CNTNAP2: variants seen among roughly 807,000 people sequenced by gnomAD.
The protein encoded by CNTNAP2 is contactin associated protein 2, also known as contactin-associated protein-like 2.
In CNTNAP2, 98 loss-of-function variants were observed where a neutral mutation model predicts 155.2. That is an observed-to-expected ratio of 0.63 (90% CI 0.54 to 0.75). CNTNAP2 has a LOEUF of 0.75. Among genes scored for constraint, CNTNAP2 ranks in the 30% least tolerant of loss-of-function variants. The pLI is 0.00. For synonymous variants in CNTNAP2, 651 were observed against 631.2 expected (o/e 1.03, Z -0.47); for missense variants, 1,727 against 1,688.1 (o/e 1.02, Z -0.40).
At chr7:148,122,770 GTAGA>G (rs1212791274) in intron 16 of CNTNAP2, among the ~76,000 whole-genome samples, 1 of 151,774 alleles carries the variant, frequency 6.6e-6, no homozygotes, top group Non-Finnish European at 1.5e-5. Flanking sequence ...ATGAAGCATT[GTAGA>G]TATGAAAGAT....
intron 3 of CNTNAP2, among the ~76,000 whole-genome samples, chr7:146,911,473 G>T (rs1796275388): frequency 6.6e-6 from 1 of 151,980 alleles, no homozygotes; most frequent in Non-Finnish European, 1.5e-5. Context: ...ATACTATGCA[G>T]CCATAAAAGT....
chr7:146,981,391 A>G (rs538647948), intron 3 of CNTNAP2, among the ~76,000 whole-genome samples: 5 of 152,230 alleles, frequency 3.3e-5, no homozygotes, highest in African/African-American at 1.2e-4. Flanking sequence ...AAAAATATAA[A>G]CCCTTTTTAC....
intron 1 of CNTNAP2, among the ~76,000 whole-genome samples, chr7:146,260,867 G>C (rs996166297): frequency 1.3e-5 from 2 of 152,182 alleles, no homozygotes; most frequent in African/African-American, 2.4e-5. Flanking sequence ...GTGTGAAAAG[G>C]ACATGACATT....
intron 22 of CNTNAP2, among the ~76,000 whole-genome samples, chr7:148,393,612 A>C (rs1799402566): frequency 6.6e-6 from 1 of 152,140 alleles, no homozygotes; most frequent in South Asian, 2.1e-4. Flanking sequence ...GATTTTGTTG[A>C]GTCAAAGGAT....
chr7:147,383,939 A>G (rs1355707047), intron 9 of CNTNAP2, among the ~76,000 whole-genome samples: 2 of 152,182 alleles, frequency 1.3e-5, no homozygotes, highest in African/African-American at 4.8e-5. Flanking sequence ...AATTGTGACA[A>G]ATTCTGTAAG....
chr7:148,385,011 C>T (rs1360115228), intron 22 of CNTNAP2, among the ~76,000 whole-genome samples: 5 of 152,160 alleles, frequency 3.3e-5, no homozygotes. Context: ...AATCCTCTCC[C>T]CCTGCAAACT....
chr7:147,508,718 A>C (rs886113009), intron 11 of CNTNAP2, among the ~76,000 whole-genome samples: 1 of 152,164 alleles, frequency 6.6e-6, no homozygotes, highest in African/African-American at 2.4e-5. Flanking sequence ...TGTTCTCAGC[A>C]TAGGGAATAC....
chr7:148,325,924 G>T (rs1797877202), intron 21 of CNTNAP2, among the ~76,000 whole-genome samples: 2 of 152,170 alleles, frequency 1.3e-5, no homozygotes, highest in African/African-American at 4.8e-5. Context: ...GATGCCATGT[G>T]TCTGCTAGTA....
chr7:146,624,793 A>G (rs1473086432), intron 1 of CNTNAP2, among the ~76,000 whole-genome samples: 5 of 151,984 alleles, frequency 3.3e-5, no homozygotes, highest in African/African-American at 1.2e-4. Flanking sequence ...GATTGTGTTG[A>G]ATCTATAGGT....
At chr7:146,429,991 T>C (rs1245349313) in intron 1 of CNTNAP2, among the ~76,000 whole-genome samples, 1 of 152,162 alleles carries the variant, frequency 6.6e-6, no homozygotes, top group East Asian at 1.9e-4. Context: ...ACATAGTTTT[T>C]ATATTTAGTT....
At chr7:147,546,224 T>G (rs921943877) in intron 11 of CNTNAP2, among the ~76,000 whole-genome samples, 2 of 152,134 alleles carry the variant, frequency 1.3e-5, no homozygotes, top group African/African-American at 4.8e-5. Flanking sequence ...AGAGGAGGTA[T>G]GATTCATTAA....
chr7:146,127,092 G>A (rs1797648504), intron 1 of CNTNAP2, among the ~76,000 whole-genome samples: 1 of 152,036 alleles, frequency 6.6e-6, no homozygotes, highest in African/African-American at 2.4e-5. Context: ...CCCAACATTT[G>A]CACCCTATAA....
intron 1 of CNTNAP2, among the ~76,000 whole-genome samples, chr7:146,663,133 C>T (rs901470376): frequency 1.3e-5 from 2 of 151,846 alleles, no homozygotes; most frequent in African/African-American, 4.8e-5. Context: ...CAAATAATAG[C>T]CGGCTGTGGT....
chr7:147,659,334 G>C (rs1048590065), intron 13 of CNTNAP2, among the ~76,000 whole-genome samples: 4 of 152,166 alleles, frequency 2.6e-5, no homozygotes, highest in African/African-American at 9.7e-5. Flanking sequence ...AGCTTTTATA[G>C]ATATTTTGAT....
intron 11 of CNTNAP2, among the ~76,000 whole-genome samples, chr7:147,491,543 C>T (rs1798609509): frequency 6.6e-6 from 1 of 152,172 alleles, no homozygotes; most frequent in African/African-American, 2.4e-5. Context: ...CTTTCTCCTC[C>T]ACTGGTCTCT....
At chr7:147,215,368 C>T (rs965346756) in intron 8 of CNTNAP2, among the ~76,000 whole-genome samples, 1 of 152,184 alleles carries the variant, frequency 6.6e-6, no homozygotes, top group African/African-American at 2.4e-5. Flanking sequence ...CCTCACTCCC[C>T]ACAACCTCTG....
chr7:148,299,450 G>A (rs995098542), intron 21 of CNTNAP2, among the ~76,000 whole-genome samples: 1 of 152,244 alleles, frequency 6.6e-6, no homozygotes, highest in Admixed American at 6.5e-5. Context: ...GCTGGGCAGA[G>A]CCAGCTCAGG....
rs75584249 is a variant in CNTNAP2 at position 148,277,682 on chromosome 7, C to A, written c.3475+10556C>A. ...AGAGCCCTAAACCCTTGGTCCCATC[C>A]GTCATCCTTTAGAAACCCACTTCTG... On this transcript the variant is annotated intron_variant, in intron 21 of 23. Coordinates refer to ENST00000361727, the MANE Select transcript of CNTNAP2 (RefSeq NM_014141.6). Among the ~76,000 whole-genome samples, 1,333 of 151,956 alleles carry A rather than the reference C, an allele frequency of 8.8e-3. 25 individuals are homozygous for A. Among genetic ancestry groups the A allele is most frequent in the African/African-American group, 0.03 (1,252 of 41,400 alleles).
intron 8 of CNTNAP2, among the ~76,000 whole-genome samples, chr7:147,265,645 C>T (rs779605659): frequency 3.3e-5 from 5 of 152,206 alleles, no homozygotes; most frequent in Admixed American, 6.5e-5. Context: ...ACACTCCCTC[C>T]ACCAAAGGAC....
Sources: allele counts gnomAD v4.1 joint callset (sites outside exome capture counted in the v4.1 genomes callset), GRCh38; gene constraint gnomAD v4.1.1; transcripts MANE v1.5; gene names NCBI Gene and HGNC (gene_info 2026-07-23, HGNC 2026-07-21).